The following EPHA4 variants were observed in gnomAD, a reference collection of about 807,000 sequenced individuals.
EPHA4 encodes ephrin type-A receptor 4.
In EPHA4, 19 loss-of-function variants were observed where a neutral mutation model predicts 108.3. The ratio of observed to expected loss-of-function variants is 0.18; its 90% confidence interval spans 0.12 to 0.26. The LOEUF (loss-of-function observed/expected upper bound fraction) is 0.26, where lower values mean the gene tolerates loss of function less well. Ranked by LOEUF, EPHA4 falls within the 10% of genes least tolerant of loss-of-function variation. EPHA4 has a pLI of 1.00. For missense variants in EPHA4, 917 were observed against 1,254.0 expected (o/e 0.73, Z 4.06); for synonymous variants, 449 against 455.5 (o/e 0.99, Z 0.18).
chr2:221,492,427 A>C (rs1179468267), intron 4 of EPHA4, among the ~76,000 whole-genome samples: 2 of 152,222 alleles, frequency 1.3e-5, no homozygotes, highest in East Asian at 3.8e-4. Context: ...TGAGGCTCTT[A>C]AAATTTTGCA....
chr2:221,566,336 G>A (rs945500784), intron 2 of EPHA4, among the ~76,000 whole-genome samples: 1 of 152,056 alleles, frequency 6.6e-6, no homozygotes, highest in Non-Finnish European at 1.5e-5. Context: ...CTAACTGCAA[G>A]CAGAGATTTT....
chr2:221,519,794 C>T (rs543998194), intron 3 of EPHA4, among the ~76,000 whole-genome samples: 2 of 152,278 alleles, frequency 1.3e-5, no homozygotes, highest in Admixed American at 6.5e-5. Context: ...ATTAAAAAGG[C>T]CTGTACATAG....
In EPHA4 at chr2:221,455,573, G is replaced by A. The variant is rs1251326950; in HGVS notation, c.1689C>T (p.Leu563=). 1.9e-6 allele frequency: 3 copies of A among 1,613,772 alleles called. No homozygotes were observed. Among genetic ancestry groups the A allele is most frequent in the African/African-American group, 1.3e-5 (1 of 74,896 alleles). ...TCCGGCTGATGACAAAAGCTGCAAT[G>A]AGAATTACCACCAGCACCACACTGC... is the stretch of plus-strand genomic sequence containing the variant. ...VSGSVVLVVI[L]IAAFVISRRR... The change falls in exon 8 of 18, where the codon CTC becomes CTT. Residue 563 remains leucine (L), a synonymous_variant. Transcript: ENST00000281821.
At chr2:221,437,677 C>A (rs1276682651) in intron 11 of EPHA4, among the ~76,000 whole-genome samples, 1 of 150,328 alleles carries the variant, frequency 6.7e-6, no homozygotes, top group Non-Finnish European at 1.5e-5. Context: ...TTTGGGAGGC[C>A]AAGACAGTCG....
chr2:221,566,961 G>GA (rs1694679696), intron 2 of EPHA4, among the ~76,000 whole-genome samples: 1 of 102,870 alleles, frequency 9.7e-6, no homozygotes, highest in Non-Finnish European at 2.0e-5. Flanking sequence ...AGAAGGGGAA[G>GA]AGGAAGAGGA....
At chr2:221,447,698 A>G (rs966204351) in intron 8 of EPHA4, among the ~76,000 whole-genome samples, 1 of 152,178 alleles carries the variant, frequency 6.6e-6, no homozygotes, top group African/African-American at 2.4e-5. Flanking sequence ...ACTGTTTGCA[A>G]AGCAGGAACC....
intron 3 of EPHA4, among the ~76,000 whole-genome samples, chr2:221,505,312 T>C (rs1692595742): frequency 6.6e-6 from 1 of 152,188 alleles, no homozygotes; most frequent in African/African-American, 2.4e-5. Flanking sequence ...TAATTTCACC[T>C]TTAAAATTTA....
chr2:221,456,899 T>A, intron 6 of EPHA4, 127 bp from the exon 7 acceptor site: 1 of 940,846 alleles, frequency 1.1e-6, no homozygotes, highest in Non-Finnish European at 1.6e-6. Flanking sequence ...ATGAATAAAC[T>A]CTCTGGAGCC....
At chr2:221,543,752 C>T (rs1462085261) in intron 3 of EPHA4, among the ~76,000 whole-genome samples, 1 of 152,020 alleles carries the variant, frequency 6.6e-6, no homozygotes, top group East Asian at 1.9e-4. Flanking sequence ...ATTTCACAAA[C>T]AAGGAATACA....
chr2:221,468,251 C>A (rs1691373803), intron 5 of EPHA4, among the ~76,000 whole-genome samples: 1 of 151,418 alleles, frequency 6.6e-6, no homozygotes. Flanking sequence ...AAAGGCCCCC[C>A]AAAATTATTT....
chr2:221,429,294 G>A (rs1033358308), intron 15 of EPHA4, among the ~76,000 whole-genome samples: 2 of 152,130 alleles, frequency 1.3e-5, no homozygotes, highest in Non-Finnish European at 2.9e-5. Flanking sequence ...GTATCTTTAT[G>A]TTCTCTACAG....
chr2:221,451,608 T>C (rs1220794413), intron 8 of EPHA4, among the ~76,000 whole-genome samples: 2 of 152,212 alleles, frequency 1.3e-5, no homozygotes, highest in East Asian at 3.8e-4. Context: ...AGAAGTGTTC[T>C]GCCTTAAACT....
In EPHA4 at chr2:221,485,434, T is replaced by C. The variant is rs143848974; in HGVS notation, c.980-2744A>G. On this transcript the variant is annotated intron_variant, in intron 4 of 17. Transcript: ENST00000281821. Reference sequence around the variant, plus strand: ...AGACTGAGAATTAGGCAAATTCAAGTTCAGTGCTGGTAAATCGTACTGCGT... The same window carrying C: ...AGACTGAGAATTAGGCAAATTCAAGCTCAGTGCTGGTAAATCGTACTGCGT... Among the ~76,000 whole-genome samples, 41 of 152,314 alleles carry C rather than the reference T, an allele frequency of 2.7e-4. No homozygotes were observed. The East Asian group carries it at 7.5e-3, about 28-fold the overall frequency.
rs187775595 is a variant in EPHA4 at position 221,459,763 on chromosome 2, T to C, written c.1319-1773A>G. ...AACAGACCACTTAGCATACACTCCATAAAAAGGAGCTCTTTAAATTCTGAT... is the reference window on the plus strand; with the variant it reads ...AACAGACCACTTAGCATACACTCCACAAAAAGGAGCTCTTTAAATTCTGAT... On this transcript the variant is annotated intron_variant, in intron 5 of 17. Coordinates refer to ENST00000281821, the MANE Select transcript of EPHA4 (RefSeq NM_004438.5). Among the ~76,000 whole-genome samples the C allele has an allele frequency of 3.9e-5, 6 of 152,266 alleles. No homozygotes were observed. In the East Asian group the frequency reaches 7.7e-4, roughly 20 times the overall value.
chr2:221,507,192 A>G (rs1290468210), intron 3 of EPHA4, among the ~76,000 whole-genome samples: 1 of 152,180 alleles, frequency 6.6e-6, no homozygotes, highest in Non-Finnish European at 1.5e-5. Context: ...CCTCTACTCC[A>G]TGGTTCGTCT....
Position 221,566,857 on chromosome 2 carries a change from A to AAGAAGG in EPHA4, c.159+1860_159+1861insCCTTCT. Among the ~76,000 whole-genome samples, 2 of 59,150 alleles carry AAGAAGG rather than the reference A, an allele frequency of 3.4e-5. 1 individual carries two copies. The highest frequency in any genetic ancestry group is 6.2e-5 in the Non-Finnish European group (2 of 32,042). 38.8% of individuals were successfully genotyped at this position (59,150 alleles called of 152,430 possible). ...GGAGAAGAAGGAGAAGGAGAAGGAG[A>AAGAAGG]AGAAGAAGAAGAAGAAGAAGGAGAA... On this transcript the variant is annotated intron_variant, in intron 2 of 17. Transcript: ENST00000281821.
chr2:221,454,702 C>A (rs1429915591), intron 8 of EPHA4, among the ~76,000 whole-genome samples: 1 of 152,174 alleles, frequency 6.6e-6, no homozygotes, highest in Non-Finnish European at 1.5e-5. Context: ...CCTCTGGAGC[C>A]TCTGGGCAGA....
At chr2:221,473,703 T>C (rs568494484) in intron 5 of EPHA4, among the ~76,000 whole-genome samples, 3 of 152,248 alleles carry the variant, frequency 2.0e-5, no homozygotes, top group South Asian at 2.1e-4. Context: ...CAGTAATTAA[T>C]TGAGCCAGTT....
chr2:221,434,059 C>T (rs1032461763), intron 14 of EPHA4, 83 bp downstream of exon 14: 472 of 1,431,696 alleles, frequency 3.3e-4, no homozygotes, highest in South Asian at 9.5e-4. Context: ...CATTTCAAAC[C>T]CCGTGCCCAC....
Sources: allele counts gnomAD v4.1 joint callset (sites outside exome capture counted in the v4.1 genomes callset), GRCh38; gene constraint gnomAD v4.1.1; transcripts MANE v1.5; gene names NCBI Gene and HGNC (gene_info 2026-07-23, HGNC 2026-07-21).